The following GULP1 variants were observed in gnomAD, a reference collection of about 807,000 sequenced individuals.
GULP1 encodes PTB domain-containing engulfment adapter protein 1.
In GULP1, 19 loss-of-function variants were observed where a neutral mutation model predicts 40.9. The observed-to-expected ratio is 0.46, with a 90% CI of 0.32 to 0.68. GULP1 has a LOEUF of 0.68. GULP1 is among the 30% of genes least tolerant of loss of function. The pLI is 0.03. For missense variants in GULP1, 312 were observed against 362.2 expected, an observed-to-expected ratio of 0.86 and a Z score of 1.12; for synonymous variants, 119 against 117.6, an observed-to-expected ratio of 1.01 and a Z score of -0.08.
chr2:188,352,539 A>G (rs564177582), intron 1 of GULP1, among the ~76,000 whole-genome samples: 1 of 151,294 alleles, frequency 6.6e-6, no homozygotes, highest in East Asian at 2.0e-4. Context: ...CCATTTGCCC[A>G]TTCCTTAAAA....
intron 1 of GULP1, among the ~76,000 whole-genome samples, chr2:188,303,489 G>A (rs1375008111): frequency 1.3e-5 from 2 of 152,258 alleles, no homozygotes; most frequent in East Asian, 1.9e-4. Context: ...TGTGGGCAGT[G>A]CACTTGAAGA....
At chr2:188,474,069 ATGT>A (rs1340620830) in intron 2 of GULP1, among the ~76,000 whole-genome samples, 1 of 152,104 alleles carries the variant, frequency 6.6e-6, no homozygotes, top group East Asian at 1.9e-4. Flanking sequence ...ATGTCTAGAA[ATGT>A]TGTATTGGAG....
intron 1 of GULP1, among the ~76,000 whole-genome samples, chr2:188,377,895 G>C (rs903088858): frequency 6.6e-6 from 1 of 151,962 alleles, no homozygotes; most frequent in Non-Finnish European, 1.5e-5. Flanking sequence ...ATTGGGGTGA[G>C]GTTTGCATAC....
At chr2:188,574,030 A>AT (rs1699672483) in intron 9 of GULP1, among the ~76,000 whole-genome samples, 3 of 152,318 alleles carry the variant, frequency 2.0e-5, no homozygotes, top group Admixed American at 2.0e-4. Context: ...TGGTTCACAA[A>AT]TATATACTTA....
At chr2:188,368,969 A>G (rs974524284) in intron 1 of GULP1, among the ~76,000 whole-genome samples, 2 of 120,806 alleles carry the variant, frequency 1.7e-5, no homozygotes, top group African/African-American at 3.7e-5. Context: ...ATATATATAT[A>G]TATATATATT....
chr2:188,453,235 G>A (rs746569835), intron 2 of GULP1, among the ~76,000 whole-genome samples: 1 of 152,096 alleles, frequency 6.6e-6, no homozygotes, highest in Non-Finnish European at 1.5e-5. Flanking sequence ...CTAATTTTAT[G>A]TGTTAATATA....
intron 2 of GULP1, among the ~76,000 whole-genome samples, chr2:188,403,406 A>C (rs2052596210): frequency 1.3e-5 from 2 of 152,178 alleles, no homozygotes; most frequent in Non-Finnish European, 2.9e-5. Context: ...AACAGTAGTA[A>C]ATGCAGGATA....
chr2:188,411,292 C>A (rs1177261118), intron 2 of GULP1, among the ~76,000 whole-genome samples: 5 of 152,120 alleles, frequency 3.3e-5, no homozygotes, highest in African/African-American at 1.2e-4. Flanking sequence ...AACCTGTCAC[C>A]AAGTAGCTGG....
chr2:188,423,214 A>G (rs2055698571), intron 2 of GULP1, among the ~76,000 whole-genome samples: 1 of 152,088 alleles, frequency 6.6e-6, no homozygotes, highest in South Asian at 2.1e-4. Flanking sequence ...ATAGCTTAGT[A>G]AATTAGTAGC....
At chr2:188,375,598 A>C (rs948004990) in intron 1 of GULP1, among the ~76,000 whole-genome samples, 3 of 152,184 alleles carry the variant, frequency 2.0e-5, no homozygotes, top group Non-Finnish European at 4.4e-5. Flanking sequence ...TAATACTGAA[A>C]TGTATTTACA....
intron 4 of GULP1, among the ~76,000 whole-genome samples, chr2:188,500,164 G>A (rs550179070): frequency 6.6e-6 from 1 of 151,876 alleles, no homozygotes; most frequent in East Asian, 2.0e-4. Flanking sequence ...TTATACTGGT[G>A]TGCTTGTTAA....
intron 1 of GULP1, among the ~76,000 whole-genome samples, chr2:188,328,238 C>T (rs1473087416): frequency 6.6e-6 from 1 of 152,056 alleles, no homozygotes; most frequent in Non-Finnish European, 1.5e-5. Context: ...ATTTCAGAAA[C>T]CTTATAGCAA....
At chr2:188,549,984 T>G (rs1693027703) in intron 7 of GULP1, among the ~76,000 whole-genome samples, 1 of 151,694 alleles carries the variant, frequency 6.6e-6, no homozygotes, top group Admixed American at 6.6e-5. Flanking sequence ...AACAGCAAGA[T>G]GAAGGACTCT....
chr2:188,305,786 A>C (rs2036965397), intron 1 of GULP1, among the ~76,000 whole-genome samples: 1 of 152,134 alleles, frequency 6.6e-6, no homozygotes, highest in Non-Finnish European at 1.5e-5. Flanking sequence ...AAGATTTTCA[A>C]AATTTATTTT....
At chr2:188,542,747 T>A (rs1690870064) in intron 7 of GULP1, among the ~76,000 whole-genome samples, 1 of 152,178 alleles carries the variant, frequency 6.6e-6, no homozygotes, top group African/African-American at 2.4e-5. Flanking sequence ...AAATAAAATT[T>A]ACATATTTCA....
intron 4 of GULP1, among the ~76,000 whole-genome samples, chr2:188,521,729 G>A (rs1435704194): frequency 4.6e-5 from 7 of 152,240 alleles, no homozygotes; most frequent in African/African-American, 1.7e-4. Context: ...ATGAGATTTG[G>A]GTGAGGACAC....
At chr2:188,372,607 A>G (rs1320266547) in intron 1 of GULP1, among the ~76,000 whole-genome samples, 1 of 152,040 alleles carries the variant, frequency 6.6e-6, no homozygotes, top group African/African-American at 2.4e-5. Context: ...GAGGTTAGGT[A>G]TTATTAACAT....
intron 2 of GULP1, among the ~76,000 whole-genome samples, chr2:188,404,544 A>T (rs2052777207): frequency 6.6e-6 from 1 of 152,174 alleles, no homozygotes. Context: ...CCAAAGCCTC[A>T]GACTCCAGGT....
intron 7 of GULP1, among the ~76,000 whole-genome samples, chr2:188,545,910 T>C (rs1322157394): frequency 6.6e-6 from 1 of 151,794 alleles, no homozygotes; most frequent in Non-Finnish European, 1.5e-5. Context: ...CATGCAACCA[T>C]TATTCAGAGA....
Sources: allele counts gnomAD v4.1 joint callset (sites outside exome capture counted in the v4.1 genomes callset), GRCh38; gene constraint gnomAD v4.1.1; transcripts MANE v1.5; gene names NCBI Gene and HGNC (gene_info 2026-07-23, HGNC 2026-07-21).